The following CCNG1 variants were observed in gnomAD, a reference collection of about 807,000 sequenced individuals.
CCNG1 encodes the protein cyclin G1.
CCNG1 carries 13 observed loss-of-function variants against 30.0 expected under a neutral mutation model. The ratio of observed to expected loss-of-function variants is 0.43; its 90% confidence interval spans 0.28 to 0.69. The LOEUF is 0.69. Ranked by LOEUF, CCNG1 falls within the 30% of genes least tolerant of loss-of-function variation. The pLI is 0.16. For synonymous variants in CCNG1, 110 were observed against 121.5 expected (o/e 0.91, Z 0.62); for missense variants, 285 against 331.4 (o/e 0.86, Z 1.09).
chr5:163,451,123 G>A (rs1758165740), downstream of CCNG1: 1 of 152,152 alleles, frequency 6.6e-6, no homozygotes, highest in South Asian at 2.1e-4. Flanking sequence ...GGATGGCGGG[G>A]GATGACAGGA....
At chr5:163,455,872 TAG>T in the CCNG1 span, among the ~76,000 whole-genome samples, 2 of 152,064 alleles carry the variant, frequency 1.3e-5, no homozygotes, top group African/African-American at 4.8e-5. Context: ...AGAATGGTGG[TAG>T]AGTTGGTGGT....
At chr5:163,456,147 G>C in the CCNG1 span, among the ~76,000 whole-genome samples, 1 of 152,092 alleles carries the variant, frequency 6.6e-6, no homozygotes, top group Non-Finnish European at 1.5e-5. Flanking sequence ...AACCGGGTAT[G>C]CAGGTCCTAA....
chr5:163,454,351 T>G, the CCNG1 span, among the ~76,000 whole-genome samples: 1 of 151,996 alleles, frequency 6.6e-6, no homozygotes, highest in South Asian at 2.1e-4. Context: ...TTTATTATTA[T>G]TTTTTTTGAG....
chr5:163,441,853 C>A, intron 3 of CCNG1, 33 bp from the exon 4 acceptor site: 2 of 1,319,564 alleles, frequency 1.5e-6, no homozygotes, highest in Non-Finnish European at 2.2e-6. Context: ...TGTAGTATTA[C>A]CTAATAAAAG....
At chr5:163,455,165 T>C in the CCNG1 span, among the ~76,000 whole-genome samples, 1 of 146,852 alleles carries the variant, frequency 6.8e-6, no homozygotes. Context: ...AAAAACAGGA[T>C]AAGGGAAATA....
At chr5:163,456,927 ACTT>A in the CCNG1 span, 1 of 1,597,340 alleles carries the variant, frequency 6.3e-7, no homozygotes, top group Non-Finnish European at 8.5e-7. Context: ...CATCTGACTT[ACTT>A]CTTTTTGGAA....
the CCNG1 span, chr5:163,453,263 A>G: frequency 6.6e-6 from 1 of 152,212 alleles, no homozygotes; most frequent in Non-Finnish European, 1.5e-5. Context: ...CTATATGCCT[A>G]AATCACTTAC....
chr5:163,452,230 A>G, the CCNG1 span: 1 of 152,208 alleles, frequency 6.6e-6, no homozygotes, highest in East Asian at 1.9e-4. Flanking sequence ...AAAGACATGC[A>G]TTATATATAC....
chr5:163,445,718 A>G (rs542341545), downstream of CCNG1, among the ~76,000 whole-genome samples: 2 of 142,388 alleles, frequency 1.4e-5, no homozygotes, highest in South Asian at 2.2e-4. Flanking sequence ...TCGTTCTCCC[A>G]AAGTGCTGAG....
At chr5:163,440,578 G>A (rs1757760927) in intron 2 of CCNG1, among the ~76,000 whole-genome samples, 1 of 152,090 alleles carries the variant, frequency 6.6e-6, no homozygotes, top group Admixed American at 6.5e-5. Context: ...AAATGATAAA[G>A]ATTAGTAGTG....
chr5:163,455,689 G>C, the CCNG1 span, among the ~76,000 whole-genome samples: 1 of 151,124 alleles, frequency 6.6e-6, no homozygotes, highest in Admixed American at 6.6e-5. Context: ...GCGGGAATCC[G>C]GGAGGCGGAG....
rs974872430 is a variant in CCNG1, at chr5:163,437,738, A to G, written c.-67A>G. On this transcript the variant is annotated 5_prime_UTR_variant, in exon 1 of 7. In the 5' UTR this introduces an upstream ATG that the reference lacks. Coordinates refer to ENST00000340828, the MANE Select transcript of CCNG1 (RefSeq NM_004060.4). ...TCCTCGTAGGCCTCTCGGATCTGATATCGTGGGGTGAGGTGAGCAGGCCCG... is the reference window on the plus strand; with the variant it reads ...TCCTCGTAGGCCTCTCGGATCTGATGTCGTGGGGTGAGGTGAGCAGGCCCG... 1.3e-5 allele frequency: 2 copies of G among 152,090 alleles called. No homozygotes were observed. Among genetic ancestry groups the G allele is most frequent in the Admixed American group, 1.3e-4 (2 of 15,300 alleles). 9.4% of individuals were successfully genotyped at this position (152,090 alleles called of 1,614,324 possible). A position where few individuals can be genotyped will look rare whatever the true frequency, so the allele number is the denominator to read the frequency against.
At chr5:163,457,524 ATTATT>A in the CCNG1 span, 2 of 1,212,572 alleles carry the variant, frequency 1.6e-6, no homozygotes. Flanking sequence ...TCAAGACAAA[ATTATT>A]TTAATTTGAT....
chr5:163,447,383 T>G (rs887739002), downstream of CCNG1: 4 of 150,430 alleles, frequency 2.7e-5, no homozygotes, highest in Admixed American at 2.7e-4. Flanking sequence ...CCCAGGAGTT[T>G]GAGGCTGCAG....
the CCNG1 span, chr5:163,457,602 G>C: frequency 6.3e-7 from 1 of 1,583,134 alleles, no homozygotes; most frequent in East Asian, 2.2e-5. Flanking sequence ...TAGAATCAAA[G>C]AGTTTGCCCT....
intron 6 of CCNG1, among the ~76,000 whole-genome samples, chr5:163,443,199 C>T (rs1757910045): frequency 6.6e-6 from 1 of 151,768 alleles, no homozygotes; most frequent in Admixed American, 6.6e-5. Context: ...GTAGTCCCAG[C>T]TACTCGGGAG....
chr5:163,446,037 T>G (rs953453552), downstream of CCNG1: 3 of 152,164 alleles, frequency 2.0e-5, no homozygotes. Flanking sequence ...ATTACTGGAA[T>G]TGAATTAATT....
the CCNG1 span, chr5:163,453,899 C>T: frequency 1.0e-5 from 8 of 794,868 alleles, no homozygotes; most frequent in South Asian, 2.5e-5. Flanking sequence ...TCTTCCATTA[C>T]ATAATCTGTT....
At chr5:163,445,200 G>A (rs1370773489), downstream of CCNG1, among the ~76,000 whole-genome samples, 1 of 148,062 alleles carries the variant, frequency 6.8e-6, no homozygotes. Flanking sequence ...ACTTTACTTT[G>A]TTTTTTCTGA....
Sources: allele counts gnomAD v4.1 joint callset (sites outside exome capture counted in the v4.1 genomes callset), GRCh38; gene constraint gnomAD v4.1.1; transcripts MANE v1.5; gene names NCBI Gene and HGNC (gene_info 2026-07-23, HGNC 2026-07-21).